The following SLC44A3 variants were observed in gnomAD, a reference collection of about 807,000 sequenced individuals.
SLC44A3 encodes solute carrier family 44 member 3, also known as choline transporter-like protein 3.
A neutral mutation model predicts 75.4 loss-of-function variants in SLC44A3; 74 were observed. The observed-to-expected ratio is 0.98, with a 90% CI of 0.81 to 1.19. The LOEUF is 1.19. Ranked by LOEUF, SLC44A3 falls within the 50% of genes most tolerant of loss-of-function variation. The probability of loss-of-function intolerance (pLI) is 0.00; values close to 1 mark genes in which losing one functional copy is unlikely to be tolerated. For synonymous variants in SLC44A3, 310 were observed against 296.9 expected, an observed-to-expected ratio of 1.04 and a Z score of -0.45; for missense variants, 700 against 778.6, an observed-to-expected ratio of 0.90 and a Z score of 1.20.
In SLC44A3 at chr1:94,824,615, G is replaced by A; in HGVS notation, c.258G>A (p.Gly86=). 6.2e-7 allele frequency: 1 copy of A among 1,603,778 alleles called. No individual in the cohort carries two copies. The highest frequency in any genetic ancestry group is 8.5e-7 in the Non-Finnish European group (1 of 1,176,680). The stretch of plus-strand genomic sequence containing the variant: ...CCGTGGAAGGGGCCCCTCTTTCAGG[G>A]CAGGACATGACCCTAAAAAAGTAAG... ...NSPVEGAPLS[G]QDMTLKKHVF... The change falls in exon 3 of 15, where the codon GGG becomes GGA. Residue 86 remains glycine (G), a synonymous_variant. Coordinates refer to ENST00000271227, the MANE Select transcript of SLC44A3 (RefSeq NM_001114106.3).
At chr1:94,879,854 GA>G (rs1197953402) in intron 12 of SLC44A3, among the ~76,000 whole-genome samples, 3 of 141,870 alleles carry the variant, frequency 2.1e-5, no homozygotes, top group Non-Finnish European at 4.6e-5. Context: ...AAAAAAAAAA[GA>G]AAAAAAAAGG....
At chr1:94,821,693 A>G (rs1660610343) in intron 2 of SLC44A3, among the ~76,000 whole-genome samples, 1 of 152,170 alleles carries the variant, frequency 6.6e-6, no homozygotes, top group Non-Finnish European at 1.5e-5. Context: ...AACAGCAGAA[A>G]ACGTCTCACC....
intron 6 of SLC44A3, among the ~76,000 whole-genome samples, chr1:94,838,703 A>G (rs930609131): frequency 6.6e-6 from 1 of 152,208 alleles, no homozygotes; most frequent in Non-Finnish European, 1.5e-5. Flanking sequence ...ACTAGTCACT[A>G]TTATGACTTT....
chr1:94,850,974 G>A lies in SLC44A3; in HGVS notation c.1072+5510G>A, dbSNP rs529007566. Among the ~76,000 whole-genome samples, 6 of 152,210 alleles carry A rather than the reference G, an allele frequency of 3.9e-5. No individual in the cohort carries two copies. The East Asian group carries it at 1.2e-3, about 29-fold the overall frequency. Reference sequence around the variant, plus strand: ...GAAAAGAGTAAAGGGAGGTTGCACGGGAGAGAGTTGAAACAGCTCCTGCAT... The same window carrying A: ...GAAAAGAGTAAAGGGAGGTTGCACGAGAGAGAGTTGAAACAGCTCCTGCAT... On this transcript the variant is annotated intron_variant, in intron 9 of 14. Coordinates refer to ENST00000271227, the MANE Select transcript of SLC44A3 (RefSeq NM_001114106.3).
intron 12 of SLC44A3, among the ~76,000 whole-genome samples, chr1:94,873,750 G>A (rs1248582963): frequency 1.3e-5 from 2 of 152,130 alleles, no homozygotes; most frequent in Non-Finnish European, 2.9e-5. Flanking sequence ...AAGCCAGTTG[G>A]CAGATCTCCA....
At chr1:94,857,776 G>A (rs1039887479) in intron 10 of SLC44A3, among the ~76,000 whole-genome samples, 1 of 146,156 alleles carries the variant, frequency 6.8e-6, no homozygotes, top group East Asian at 2.1e-4. Flanking sequence ...AGACTTGAAA[G>A]ATAAAAAGGG....
intron 12 of SLC44A3, among the ~76,000 whole-genome samples, chr1:94,879,077 C>T (rs368251993): frequency 6.6e-6 from 1 of 152,092 alleles, no homozygotes; most frequent in Admixed American, 6.5e-5. Context: ...AATGGGACCA[C>T]ATCAAACTTA....
At chr1:94,869,614 G>A (rs1667545320) in intron 12 of SLC44A3, among the ~76,000 whole-genome samples, 1 of 152,104 alleles carries the variant, frequency 6.6e-6, no homozygotes, top group Admixed American at 6.5e-5. Flanking sequence ...AATGGAGAGG[G>A]AAGGGTCACC....
chr1:94,879,304 C>T (rs12096324), intron 12 of SLC44A3, among the ~76,000 whole-genome samples: 5,506 of 151,680 alleles, frequency 0.036, 275 homozygotes, highest in African/African-American at 0.12. Flanking sequence ...GAGGCTGAAG[C>T]GGGCAGATCA....
At chr1:94,832,357 A>T (rs1010151054) in intron 5 of SLC44A3, among the ~76,000 whole-genome samples, 5 of 148,556 alleles carry the variant, frequency 3.4e-5, no homozygotes, top group East Asian at 2.0e-4. Context: ...GTATTAAGTT[A>T]AAAAAAAAAC....
chr1:94,864,922 A>G, intron 11 of SLC44A3, 23 bp downstream of exon 11: 2 of 1,609,658 alleles, frequency 1.2e-6, no homozygotes, highest in South Asian at 2.2e-5. Context: ...CCTGATACAC[A>G]GCACGTTCTG....
chr1:94,820,372 C>CCCGGCT lies in SLC44A3; in HGVS notation c.-78_-73dup. 7.3e-7 allele frequency: 1 copy of CCCGGCT among 1,370,030 alleles called. No individual in the cohort carries two copies. The highest frequency in any genetic ancestry group is 9.4e-7 in the Non-Finnish European group (1 of 1,065,250). 84.9% of individuals were successfully genotyped at this position (1,370,030 alleles called of 1,614,324 possible). On this transcript the variant is annotated 5_prime_UTR_variant, in exon 1 of 15. Coordinates refer to ENST00000271227, the MANE Select transcript of SLC44A3 (RefSeq NM_001114106.3). ...CCCCAGCCCCAGCCCCGGCCCCGGC[C>CCCGGCT]CCGGCTCGCGGGCGCTGCGTCTCCG...
At chr1:94,827,404 T>G in intron 3 of SLC44A3, 103 bp from the exon 4 acceptor site, 2 of 1,409,160 alleles carry the variant, frequency 1.4e-6, no homozygotes, top group East Asian at 4.6e-5. Context: ...TGTGCCTGGG[T>G]GATCCCTGCA....
chr1:94,838,737 A>G (rs905235898), intron 6 of SLC44A3, among the ~76,000 whole-genome samples: 14 of 152,224 alleles, frequency 9.2e-5, no homozygotes, highest in African/African-American at 2.9e-4. Context: ...TAGGCTGAAA[A>G]TGACTTCAAT....
intron 4 of SLC44A3, 58 bp from the exon 5 acceptor site, chr1:94,828,435 G>T: frequency 7.0e-7 from 1 of 1,419,916 alleles, no homozygotes; most frequent in Non-Finnish European, 9.8e-7. Context: ...ACATGGCTGT[G>T]GTTTCCTTAC....
At chr1:94,873,544 G>A (rs1426286292) in intron 12 of SLC44A3, among the ~76,000 whole-genome samples, 2 of 152,176 alleles carry the variant, frequency 1.3e-5, no homozygotes, top group Non-Finnish European at 1.5e-5. Flanking sequence ...TGCCAAGACT[G>A]TTTTTAGTGA....
At chr1:94,856,261 C>T (rs1665859357) in intron 9 of SLC44A3, among the ~76,000 whole-genome samples, 2 of 152,146 alleles carry the variant, frequency 1.3e-5, no homozygotes, top group South Asian at 2.1e-4. Flanking sequence ...TACTCTCACT[C>T]CGTGCTCAAA....
intron 12 of SLC44A3, among the ~76,000 whole-genome samples, chr1:94,873,607 G>C (rs1667987972): frequency 6.6e-6 from 1 of 152,144 alleles, no homozygotes; most frequent in African/African-American, 2.4e-5. Flanking sequence ...CAACTTTGTA[G>C]TATCTCCAAA....
chr1:94,880,723 G>A (rs982043769), intron 12 of SLC44A3, among the ~76,000 whole-genome samples: 2 of 152,170 alleles, frequency 1.3e-5, no homozygotes, highest in Non-Finnish European at 2.9e-5. Context: ...ATGTAAAAAG[G>A]GCGCTGGGGG....
Sources: allele counts gnomAD v4.1 joint callset (sites outside exome capture counted in the v4.1 genomes callset), GRCh38; gene constraint gnomAD v4.1.1; transcripts MANE v1.5; gene names NCBI Gene and HGNC (gene_info 2026-07-23, HGNC 2026-07-21).